Variants in MAGI3 observed in about 807,000 individuals in gnomAD.
MAGI3 encodes membrane associated guanylate kinase, WW and PDZ domain containing 3.
A neutral mutation model predicts 121.8 loss-of-function variants in MAGI3; 43 were observed. The ratio of observed to expected loss-of-function variants is 0.35; its 90% confidence interval spans 0.28 to 0.46. The LOEUF (loss-of-function observed/expected upper bound fraction) is 0.46. Ranked by LOEUF, MAGI3 falls within the 20% of genes least tolerant of loss-of-function variation. The pLI, the probability that MAGI3 is intolerant of heterozygous loss-of-function variation, is 1.00. For missense variants in MAGI3, 1,547 were observed against 1,797.3 expected, an observed-to-expected ratio of 0.86 and a Z score of 2.52; for synonymous variants, 553 against 639.3, an observed-to-expected ratio of 0.86 and a Z score of 2.04.
At chr1:113,668,564 T>G (rs961922642) in intron 16 of MAGI3, among the ~76,000 whole-genome samples, 4 of 146,246 alleles carry the variant, frequency 2.7e-5, no homozygotes, top group African/African-American at 1.0e-4. Flanking sequence ...ACAAAAAACA[T>G]GTAACTTTTT....
chr1:113,507,293 C>G (rs924487597), intron 1 of MAGI3, among the ~76,000 whole-genome samples: 2 of 152,160 alleles, frequency 1.3e-5, no homozygotes, highest in African/African-American at 4.8e-5. Flanking sequence ...TAGATAAACT[C>G]AGCACCTAAG....
At chr1:113,595,549 A>G (rs1648946886) in intron 6 of MAGI3, among the ~76,000 whole-genome samples, 1 of 152,188 alleles carries the variant, frequency 6.6e-6, no homozygotes. Context: ...CAGAATTTCC[A>G]CATATATTGT....
chr1:113,585,127 C>A (rs1323480533), intron 3 of MAGI3, among the ~76,000 whole-genome samples: 1 of 151,788 alleles, frequency 6.6e-6, no homozygotes, highest in Non-Finnish European at 1.5e-5. Context: ...TGCTACCATA[C>A]CTGGCTAATT....
At chr1:113,601,222 G>A (rs1649356726) in intron 6 of MAGI3, among the ~76,000 whole-genome samples, 1 of 151,942 alleles carries the variant, frequency 6.6e-6, no homozygotes, top group Non-Finnish European at 1.5e-5. Flanking sequence ...TTGACAAATG[G>A]GATCTAATTA....
At chr1:113,565,370 C>T (rs1264026878) in intron 2 of MAGI3, among the ~76,000 whole-genome samples, 2 of 152,132 alleles carry the variant, frequency 1.3e-5, no homozygotes, top group Non-Finnish European at 2.9e-5. Context: ...ATTTCGTCTG[C>T]TTCTCCTGAT....
At chr1:113,522,799 G>A (rs1486311718) in intron 1 of MAGI3, among the ~76,000 whole-genome samples, 3 of 151,956 alleles carry the variant, frequency 2.0e-5, no homozygotes, top group East Asian at 1.9e-4. Context: ...TTTTTTAAAC[G>A]AAACTACTTG....
intron 16 of MAGI3, among the ~76,000 whole-genome samples, chr1:113,665,202 C>A (rs1290341668): frequency 1.3e-5 from 2 of 151,916 alleles, no homozygotes; most frequent in African/African-American, 4.8e-5. Context: ...ATTTTTTATT[C>A]TTAAGATGAG....
intron 11 of MAGI3, among the ~76,000 whole-genome samples, chr1:113,644,918 A>G (rs1652748986): frequency 6.6e-6 from 1 of 152,170 alleles, no homozygotes; most frequent in African/African-American, 2.4e-5. Context: ...ACCATAAACT[A>G]TAGACAATTA....
rs1653616051 is a variant in MAGI3 at position 113,658,779 on chromosome 1, TAAAC to T, written c.2630-299_2630-296del. ...TGGTATCAGTGAGATTAGTAGCTCT[TAAAC>T]AGAACAATTACGATGAGAATGTAAA... On this transcript the variant is annotated intron_variant, in intron 15 of 20. Transcript: ENST00000307546. The surrounding 1 kb of genome is among the most constrained non-coding windows in gnomAD (Gnocchi z 4.0). 6.6e-6 allele frequency among the ~76,000 whole-genome samples: 1 copy of T among 152,218 alleles called. No individual in the cohort carries two copies. The highest frequency in any genetic ancestry group is 2.1e-4 in the South Asian group (1 of 4,830).
chr1:113,652,020 G>A lies in MAGI3; in HGVS notation c.2440+814G>A, dbSNP rs1653198912. On this transcript the variant is annotated intron_variant, in intron 14 of 20. Coordinates refer to ENST00000307546, the MANE Select transcript of MAGI3 (RefSeq NM_001142782.2). ...TATTTAATCTTCACAACACTATGAG[G>A]TCATTATCTAGTTCTATGATTACTC... is the stretch of plus-strand genomic sequence containing the variant. Among the ~76,000 whole-genome samples, 3 of 152,090 alleles carry A rather than the reference G, an allele frequency of 2.0e-5. No homozygotes were observed. In the South Asian group the frequency reaches 6.2e-4, roughly 32 times the overall value.
intron 1 of MAGI3, among the ~76,000 whole-genome samples, chr1:113,541,991 C>T (rs901297137): frequency 1.3e-5 from 2 of 152,116 alleles, no homozygotes; most frequent in Non-Finnish European, 2.9e-5. Flanking sequence ...CCCTTTTTGC[C>T]TTGCTGGCTC....
At chr1:113,433,128 A>G (rs1252830225) in intron 1 of MAGI3, among the ~76,000 whole-genome samples, 3 of 152,338 alleles carry the variant, frequency 2.0e-5, no homozygotes, top group African/African-American at 7.2e-5. Flanking sequence ...GAGGGTAAGC[A>G]TAATTTCCTC....
chr1:113,602,915 G>A (rs576508698), intron 6 of MAGI3, among the ~76,000 whole-genome samples: 5 of 151,638 alleles, frequency 3.3e-5, no homozygotes, highest in Admixed American at 2.0e-4. Flanking sequence ...GAAACAGAAC[G>A]AGATTGTCTC....
At chr1:113,503,489 T>C (rs1657151482) in intron 1 of MAGI3, among the ~76,000 whole-genome samples, 1 of 151,998 alleles carries the variant, frequency 6.6e-6, no homozygotes, top group Non-Finnish European at 1.5e-5. Flanking sequence ...AAAATGGATC[T>C]TGAGTAACAT....
intron 1 of MAGI3, among the ~76,000 whole-genome samples, chr1:113,477,193 G>T (rs1655873985): frequency 6.6e-6 from 1 of 152,096 alleles, no homozygotes; most frequent in Non-Finnish European, 1.5e-5. Flanking sequence ...TTGCCATTCT[G>T]TGTCTTTTAA....
intron 1 of MAGI3, among the ~76,000 whole-genome samples, chr1:113,493,843 CTAT>C (rs1232849736): frequency 6.6e-6 from 1 of 152,016 alleles, no homozygotes; most frequent in African/African-American, 2.4e-5. Context: ...AGTCAGAATG[CTAT>C]TATTAAAAAG....
At chr1:113,420,775 A>T (rs1211685573) in intron 1 of MAGI3, among the ~76,000 whole-genome samples, 1 of 152,190 alleles carries the variant, frequency 6.6e-6, no homozygotes, top group Non-Finnish European at 1.5e-5. Flanking sequence ...CAGTAGTTTT[A>T]GTTGAGAGAT....
Position 113,422,596 on chromosome 1 carries a change from G to A in MAGI3, c.316+31247G>A, listed in dbSNP as rs1652779901. Reference sequence around the variant, plus strand: ...CAGGGTGGCGGGGCAGGCAGCTCCCGGCGCTGGCACAGGCGCCTGCTCCGT... The same window carrying A: ...CAGGGTGGCGGGGCAGGCAGCTCCCAGCGCTGGCACAGGCGCCTGCTCCGT... On this transcript the variant is annotated intron_variant, in intron 1 of 20. Transcript: ENST00000307546. This position sits in a 1 kb window ranked among gnomAD's most constrained non-coding sequence, Gnocchi z 4.3. Among the ~76,000 whole-genome samples, 2 of 152,222 alleles carry A rather than the reference G, an allele frequency of 1.3e-5. No individual in the cohort carries two copies. The highest frequency in any genetic ancestry group is 1.9e-4 in the East Asian group (1 of 5,188).
At chr1:113,611,757 T>C (rs1650150555) in intron 6 of MAGI3, among the ~76,000 whole-genome samples, 1 of 152,194 alleles carries the variant, frequency 6.6e-6, no homozygotes. Flanking sequence ...ATCAAACTTC[T>C]CAACACAGCA....
Sources: allele counts gnomAD v4.1 joint callset (sites outside exome capture counted in the v4.1 genomes callset), GRCh38; gene constraint gnomAD v4.1.1; non-coding constraint Gnocchi (gnomAD v3.1); transcripts MANE v1.5; gene names NCBI Gene and HGNC (gene_info 2026-07-23, HGNC 2026-07-21).